Variants in ZNF420 observed in about 807,000 individuals in gnomAD.
The protein encoded by ZNF420 is zinc finger protein 420, also known as ATM and p53-associated KZNF protein.
Under a neutral mutation model 44.7 loss-of-function variants are expected in ZNF420, and 31 were observed. That is an observed-to-expected ratio of 0.69 (90% CI 0.52 to 0.94). The LOEUF (loss-of-function observed/expected upper bound fraction) is 0.94. ZNF420 is among the 40% of genes least tolerant of loss of function. The probability of loss-of-function intolerance (pLI) is 0.00; values close to 1 mark genes in which losing one functional copy is unlikely to be tolerated. For missense variants in ZNF420, 681 were observed against 827.9 expected (o/e 0.82, Z 2.18); for synonymous variants, 245 against 267.4 (o/e 0.92, Z 0.82).
intron 4 of ZNF420, among the ~76,000 whole-genome samples, chr19:37,094,623 G>T (rs1347830255): frequency 6.6e-6 from 1 of 152,004 alleles, no homozygotes; most frequent in Admixed American, 6.6e-5. Context: ...GGATTTCAAG[G>T]CCAGCAAGTT....
At chr19:37,109,659 A>G (rs1418839182) in intron 4 of ZNF420, 1 of 152,086 alleles carries the variant, frequency 6.6e-6, no homozygotes, top group Non-Finnish European at 1.5e-5. Context: ...TAGAACTTCA[A>G]ATGTCTAGTT....
chr19:37,114,764 G>C (rs1970567935), intron 4 of ZNF420, among the ~76,000 whole-genome samples: 1 of 152,100 alleles, frequency 6.6e-6, no homozygotes, highest in South Asian at 2.1e-4. Flanking sequence ...AAACTGAAAT[G>C]CTATCTTCTC....
At chr19:37,079,161 G>A (rs1968286099) in intron 1 of ZNF420, among the ~76,000 whole-genome samples, 1 of 152,188 alleles carries the variant, frequency 6.6e-6, no homozygotes, top group Admixed American at 6.5e-5. Flanking sequence ...GTGCTTGGAT[G>A]TAATTATATG....
intron 4 of ZNF420, among the ~76,000 whole-genome samples, chr19:37,119,540 C>G (rs1402010763): frequency 6.6e-6 from 1 of 151,814 alleles, no homozygotes; most frequent in African/African-American, 2.4e-5. Context: ...AAATGGACAC[C>G]CTAACACCAC....
At chr19:37,081,142 T>C (rs1968431431) in intron 2 of ZNF420, among the ~76,000 whole-genome samples, 1 of 152,110 alleles carries the variant, frequency 6.6e-6, no homozygotes, top group Non-Finnish European at 1.5e-5. Context: ...ATTTGCCCCT[T>C]TGATTTCTTG....
intron 4 of ZNF420, among the ~76,000 whole-genome samples, chr19:37,116,883 C>T (rs1158467636): frequency 6.6e-6 from 1 of 152,166 alleles, no homozygotes; most frequent in East Asian, 1.9e-4. Context: ...TAGCAAACTG[C>T]AAGGCAGCAG....
chr19:37,085,952 T>C (rs984904947), intron 2 of ZNF420, among the ~76,000 whole-genome samples: 1 of 145,704 alleles, frequency 6.9e-6, no homozygotes, highest in Admixed American at 6.9e-5. Context: ...ATTATTATTA[T>C]TATTATTATT....
At chr19:37,103,624 A>G (rs1004621801) in intron 4 of ZNF420, among the ~76,000 whole-genome samples, 1 of 152,166 alleles carries the variant, frequency 6.6e-6, no homozygotes, top group South Asian at 2.1e-4. Context: ...ACCTTCATCT[A>G]TACTAATTCA....
At chr19:37,089,737 T>C (rs1223788185) in intron 3 of ZNF420, among the ~76,000 whole-genome samples, 5 of 152,216 alleles carry the variant, frequency 3.3e-5, no homozygotes, top group Non-Finnish European at 7.3e-5. Context: ...GAATGGTAAA[T>C]ATGATCATAG....
At chr19:37,093,307 C>T (rs979151063) in intron 4 of ZNF420, among the ~76,000 whole-genome samples, 17 of 152,294 alleles carry the variant, frequency 1.1e-4, no homozygotes, top group African/African-American at 3.6e-4. Flanking sequence ...ACTGCAACCT[C>T]CTTCTCCTGG....
intron 1 of ZNF420, among the ~76,000 whole-genome samples, chr19:37,046,462 G>A (rs561663233): frequency 6.6e-6 from 1 of 152,294 alleles, no homozygotes; most frequent in East Asian, 1.9e-4. Context: ...ACATTAATAG[G>A]AGAATGGGTA....
intron 1 of ZNF420, among the ~76,000 whole-genome samples, chr19:37,063,538 AG>A (rs1967914717): frequency 6.6e-6 from 1 of 150,610 alleles, no homozygotes; most frequent in Non-Finnish European, 1.5e-5. Context: ...CCCCCTGCAT[AG>A]ATCTCCCCCC....
chr19:37,091,009 C>G lies in ZNF420; in HGVS notation c.24C>G (p.Phe8Leu). 6.2e-7 allele frequency: 1 copy of G among 1,612,754 alleles called. No homozygotes were observed. Residue 8 changes from phenylalanine to leucine, a missense_variant, in exon 4 of 5, where the codon TTC becomes TTG. Phe to Leu is a conservative substitution (Grantham distance 22). Coordinates refer to ENST00000337995, the MANE Select transcript of ZNF420 (RefSeq NM_144689.5). ...TGTTGTTTCAGAAATTAGTGATGTTCAGGGATGTTGCCATTGACTTCTCTC... is the reference window on the plus strand; with the variant it reads ...TGTTGTTTCAGAAATTAGTGATGTTGAGGGATGTTGCCATTGACTTCTCTC... The part of the protein sequence containing the change: MARKLVM[F>L]RDVAIDFSQE...
chr19:37,044,323 C>A (rs1235163405), intron 1 of ZNF420, among the ~76,000 whole-genome samples: 3 of 152,158 alleles, frequency 2.0e-5, no homozygotes, highest in Admixed American at 6.5e-5. Flanking sequence ...TCAAGACCAG[C>A]CTGGGCAACA....
intron 1 of ZNF420, among the ~76,000 whole-genome samples, chr19:37,057,021 A>G (rs1289110615): frequency 2.6e-5 from 4 of 152,252 alleles, no homozygotes; most frequent in African/African-American, 4.8e-5. Context: ...AGCGCCAGCC[A>G]ATTCTCCCAT....
intron 1 of ZNF420, among the ~76,000 whole-genome samples, chr19:37,047,149 A>G (rs1304874277): frequency 6.6e-6 from 1 of 152,274 alleles, no homozygotes; most frequent in Non-Finnish European, 1.5e-5. Context: ...GAAAAACAGA[A>G]AAGCAAAACA....
chr19:37,096,376 G>A (rs1394019224), intron 4 of ZNF420, among the ~76,000 whole-genome samples: 9 of 152,174 alleles, frequency 5.9e-5, no homozygotes, highest in Admixed American at 5.9e-4. Context: ...CTTGTGTAAT[G>A]ATGAATTATC....
In ZNF420 at chr19:37,089,138, G is replaced by A. The variant is rs768473733; in HGVS notation, c.9+11G>A. 7.4e-6 allele frequency: 12 copies of A among 1,611,234 alleles called. No homozygotes were observed. In the South Asian group the frequency reaches 1.2e-4, roughly 16 times the overall value. On this transcript the variant is annotated intron_variant, in intron 3 of 4. Transcript: ENST00000337995. Reference sequence around the variant, plus strand: ...AAAACCATGGCTCGGGTAAATTGGAGTTTCCTTGTGCTCTTTTCACTTACT... The same window carrying A: ...AAAACCATGGCTCGGGTAAATTGGAATTTCCTTGTGCTCTTTTCACTTACT...
At chr19:37,010,174 G>A (rs1476658746) in intron 1 of ZNF420, among the ~76,000 whole-genome samples, 1 of 152,224 alleles carries the variant, frequency 6.6e-6, no homozygotes, top group East Asian at 1.9e-4. Context: ...CCGTGGCAGT[G>A]CTTGGGTGTC....
Sources: gnomAD v4.1 joint callset for allele counts (sites outside exome capture counted in the v4.1 genomes callset) on GRCh38, gnomAD v4.1.1 for gene constraint, MANE v1.5 for transcripts, NCBI Gene and HGNC (gene_info 2026-07-23, HGNC 2026-07-21) for gene names.